The following BRINP3 variants were observed in gnomAD, a reference collection of about 807,000 sequenced individuals.
BRINP3 encodes the protein BMP/retinoic acid-inducible neural-specific protein 3.
Under a neutral mutation model 71.0 loss-of-function variants are expected in BRINP3, and 19 were observed. The ratio of observed to expected loss-of-function variants is 0.27; its 90% CI spans 0.19 to 0.39. BRINP3 has a LOEUF of 0.39. Ranked by LOEUF, BRINP3 falls within the 10% of genes least tolerant of loss-of-function variation. The pLI, the probability that BRINP3 is intolerant of heterozygous loss-of-function variation, is 1.00. For missense variants in BRINP3, 959 were observed against 940.8 expected, an observed-to-expected ratio of 1.02 and a Z score of -0.25; for synonymous variants, 380 against 337.7, an observed-to-expected ratio of 1.13 and a Z score of -1.37.
intron 7 of BRINP3, among the ~76,000 whole-genome samples, chr1:190,113,071 G>A (rs1000766605): frequency 4.6e-5 from 7 of 152,058 alleles, no homozygotes; most frequent in African/African-American, 1.7e-4. Context: ...ATACTACACA[G>A]TGTATATGCA....
chr1:190,274,825 A>G (rs1279939418), intron 3 of BRINP3, among the ~76,000 whole-genome samples: 2 of 151,562 alleles, frequency 1.3e-5, no homozygotes, highest in African/African-American at 2.4e-5. Flanking sequence ...AGAAATAGAT[A>G]TACATAAGAA....
intron 7 of BRINP3, among the ~76,000 whole-genome samples, chr1:190,150,093 T>C (rs1274249990): frequency 6.6e-6 from 1 of 152,198 alleles, no homozygotes; most frequent in Non-Finnish European, 1.5e-5. Context: ...ATGCATCTCA[T>C]AATATGTAGT....
At chr1:190,388,610 C>G (rs1055617102) in intron 2 of BRINP3, among the ~76,000 whole-genome samples, 1 of 151,674 alleles carries the variant, frequency 6.6e-6, no homozygotes, top group African/African-American at 2.4e-5. Flanking sequence ...TCCTCCATGT[C>G]CTTCAGAGAG....
chr1:190,332,742 G>A (rs765013705), intron 2 of BRINP3, among the ~76,000 whole-genome samples: 2 of 151,914 alleles, frequency 1.3e-5, no homozygotes, highest in Non-Finnish European at 2.9e-5. Context: ...AGAGTACTAC[G>A]ATTTCTCCAA....
At chr1:190,100,574 A>G (rs1371429009) in intron 7 of BRINP3, among the ~76,000 whole-genome samples, 1 of 152,156 alleles carries the variant, frequency 6.6e-6, no homozygotes, top group Admixed American at 6.6e-5. Flanking sequence ...TAAACCCTAA[A>G]CTGAATATTT....
chr1:190,394,256 A>T (rs531082974), intron 2 of BRINP3, among the ~76,000 whole-genome samples: 1 of 151,648 alleles, frequency 6.6e-6, no homozygotes, highest in South Asian at 2.1e-4. Context: ...ACTTATGATT[A>T]TTTAGTCTCC....
chr1:190,248,121 C>A (rs1322041153), intron 4 of BRINP3, among the ~76,000 whole-genome samples: 4 of 151,718 alleles, frequency 2.6e-5, no homozygotes, highest in Non-Finnish European at 5.9e-5. Context: ...CAGAAGAATT[C>A]TTTTATTTTT....
At chr1:190,194,938 T>G (rs1449951398) in intron 6 of BRINP3, among the ~76,000 whole-genome samples, 2 of 152,066 alleles carry the variant, frequency 1.3e-5, no homozygotes, top group Non-Finnish European at 2.9e-5. Context: ...TCACTTGTTT[T>G]GGGAAAAACA....
rs960830640 is a variant in BRINP3, at chr1:190,137,439, A to T, written c.1184+23229T>A. On this transcript the variant is annotated intron_variant, in intron 7 of 7. Transcript: ENST00000367462. ...AATTCTAGACTTGGAACCAAAGTTTAAAAAAAAAAAAAAAACCTGAAAAAA... is the reference window on the plus strand; with the variant it reads ...AATTCTAGACTTGGAACCAAAGTTTTAAAAAAAAAAAAAAACCTGAAAAAA... Among the ~76,000 whole-genome samples the T allele has an allele frequency of 7.9e-5, 11 of 139,692 alleles. No individual in the cohort carries two copies. The East Asian group carries it at 1.4e-3, about 18-fold the overall frequency. The allele number at this position is 139,692 out of a possible 152,430, so 91.6% of individuals were successfully genotyped here.
chr1:190,442,162 T>G lies in BRINP3; in HGVS notation c.236+12493A>C, dbSNP rs377614934. On this transcript the variant is annotated intron_variant, in intron 2 of 7. Coordinates refer to ENST00000367462, the MANE Select transcript of BRINP3 (RefSeq NM_199051.3). ...TTCCAATGAGTGTTAAACTTACTGT[T>G]GTATTTTAAAAATTTGCTTTCATAT... Among the ~76,000 whole-genome samples the G allele has an allele frequency of 8.5e-5, 13 of 152,238 alleles. No individual in the cohort carries two copies. The East Asian group carries it at 1.2e-3, about 14-fold the overall frequency.
rs1669368848 is a variant in BRINP3, at chr1:190,364,651, C to A, written c.237-82901G>T. ...TAAAATTATAATAAATCATAGTAAT[C>A]TAACAAATTGCTCTTCCAGTAAAGG... On this transcript the variant is annotated intron_variant, in intron 2 of 7. Transcript: ENST00000367462. Among the ~76,000 whole-genome samples, 3 of 152,030 alleles carry A rather than the reference C, an allele frequency of 2.0e-5. No homozygotes were observed. The South Asian group carries it at 6.2e-4, about 32-fold the overall frequency.
rs373147254 is a variant in BRINP3 at position 190,099,137 on chromosome 1, A to G, written c.1185-3T>C. 6.2e-7 allele frequency: 1 copy of G among 1,611,734 alleles called. No homozygotes were observed. The highest frequency in any genetic ancestry group is 8.5e-7 in the Non-Finnish European group (1 of 1,178,312). On this transcript the variant is annotated splice_polypyrimidine_tract_variant and splice_region_variant and intron_variant, in intron 7 of 7. Transcript: ENST00000367462. ...GAGTAAGCCAGTAGGTTGAGGTTCT[A>G]GAAATACAAAACAGAACGAATCTAC...
chr1:190,382,597 C>T (rs961588800), intron 2 of BRINP3, among the ~76,000 whole-genome samples: 2 of 152,084 alleles, frequency 1.3e-5, no homozygotes, highest in African/African-American at 4.8e-5. Flanking sequence ...GGGCAAATGC[C>T]GAGGCAAGGT....
chr1:190,198,717 C>A (rs1654719701), intron 6 of BRINP3, among the ~76,000 whole-genome samples: 1 of 152,226 alleles, frequency 6.6e-6, no homozygotes, highest in African/African-American at 2.4e-5. Context: ...TCTGAGACCA[C>A]CTCAGTCTCG....
At chr1:190,333,946 A>C (rs184554513) in intron 2 of BRINP3, among the ~76,000 whole-genome samples, 6 of 152,016 alleles carry the variant, frequency 3.9e-5, no homozygotes, top group Admixed American at 2.6e-4. Flanking sequence ...TAATGACTCC[A>C]ATAAGTTTTC....
intron 2 of BRINP3, among the ~76,000 whole-genome samples, chr1:190,378,758 C>A (rs1320508863): frequency 6.6e-6 from 1 of 151,940 alleles, no homozygotes; most frequent in Non-Finnish European, 1.5e-5. Flanking sequence ...AATAATGGTC[C>A]CCTCCAATGC....
rs562529908 is a variant in BRINP3, at chr1:190,403,908, T to C, written c.236+50747A>G. Among the ~76,000 whole-genome samples the C allele has an allele frequency of 2.6e-5, 4 of 152,290 alleles. No homozygotes were observed. In the South Asian group the frequency reaches 8.3e-4, roughly 32 times the overall value. ...AAAATTATGGAAATAAATCCTTGGC[T>C]CAGATAGCAATGTGTATTTTAAGGA... On this transcript the variant is annotated intron_variant, in intron 2 of 7. Transcript: ENST00000367462.
intron 4 of BRINP3, among the ~76,000 whole-genome samples, chr1:190,244,313 T>A (rs1458075866): frequency 6.6e-6 from 1 of 152,020 alleles, no homozygotes; most frequent in Non-Finnish European, 1.5e-5. Context: ...TAAACAGAAC[T>A]ACTCCCTTTA....
In BRINP3 at chr1:190,222,086, A is replaced by C. The variant is rs542203583; in HGVS notation, c.961+3996T>G. On this transcript the variant is annotated intron_variant, in intron 6 of 7. Transcript: ENST00000367462. ...TAATGGGCCCTAGATGACATTAACA[A>C]AACATTTCACCCAACTGCTGCAGAA... Among the ~76,000 whole-genome samples, 7 of 152,158 alleles carry C rather than the reference A, an allele frequency of 4.6e-5. No homozygotes were observed. The East Asian group carries it at 1.4e-3, about 29-fold the overall frequency.
Sources: allele counts gnomAD v4.1 joint callset (sites outside exome capture counted in the v4.1 genomes callset), GRCh38; gene constraint gnomAD v4.1.1; transcripts MANE v1.5; gene names NCBI Gene and HGNC (gene_info 2026-07-23, HGNC 2026-07-21).